Variants in ST8SIA4 observed in about 807,000 individuals in gnomAD.
ST8SIA4 encodes ST8 alpha-N-acetyl-neuraminide alpha-2,8-sialyltransferase 4, also known as CMP-N-acetylneuraminate-poly-alpha-2,8-sialyltransferase.
In ST8SIA4, 15 loss-of-function variants were observed where a neutral mutation model predicts 33.9. The ratio of observed to expected loss-of-function variants is 0.44; its 90% CI spans 0.30 to 0.68. The LOEUF (loss-of-function observed/expected upper bound fraction) is 0.68. ST8SIA4 is among the 30% of genes least tolerant of loss of function. The pLI, the probability that ST8SIA4 is intolerant of heterozygous loss-of-function variation, is 0.10. For synonymous variants in ST8SIA4, 171 were observed against 151.2 expected, an observed-to-expected ratio of 1.13 and a Z score of -0.96; for missense variants, 321 against 428.0, an observed-to-expected ratio of 0.75 and a Z score of 2.21.
At chr5:100,849,897 C>T (rs184803888) in intron 4 of ST8SIA4, among the ~76,000 whole-genome samples, 1 of 152,148 alleles carries the variant, frequency 6.6e-6, no homozygotes, top group African/African-American at 2.4e-5. Context: ...AACAAAAATT[C>T]TTAATTCCAG....
chr5:100,826,656 C>A (rs1751150843), intron 4 of ST8SIA4, among the ~76,000 whole-genome samples: 1 of 151,938 alleles, frequency 6.6e-6, no homozygotes, highest in African/African-American at 2.4e-5. Flanking sequence ...ACATAACAAG[C>A]CTGAATATAC....
chr5:100,854,603 A>T (rs2112438412), intron 4 of ST8SIA4, among the ~76,000 whole-genome samples: 1 of 151,974 alleles, frequency 6.6e-6, no homozygotes, highest in Non-Finnish European at 1.5e-5. Flanking sequence ...ACAAAACAAA[A>T]CAAAACACAA....
At chr5:100,892,602 A>T (rs949269421) in intron 2 of ST8SIA4, among the ~76,000 whole-genome samples, 3 of 152,160 alleles carry the variant, frequency 2.0e-5, no homozygotes, top group African/African-American at 4.8e-5. Flanking sequence ...TGTAAAAAAA[A>T]ATTATCTCAG....
chr5:100,894,946 C>G (rs1752748639), intron 2 of ST8SIA4, among the ~76,000 whole-genome samples: 1 of 151,962 alleles, frequency 6.6e-6, no homozygotes, highest in South Asian at 2.1e-4. Flanking sequence ...ATATACCAAC[C>G]AATACAGTAA....
intron 4 of ST8SIA4, among the ~76,000 whole-genome samples, chr5:100,821,930 C>T (rs867919893): frequency 1.1e-4 from 16 of 152,184 alleles, no homozygotes; most frequent in Non-Finnish European, 8.8e-5. Flanking sequence ...CAGACAAGGG[C>T]TTTCCATGAG....
At chr5:100,830,301 A>G (rs1357593284) in intron 4 of ST8SIA4, among the ~76,000 whole-genome samples, 1 of 152,234 alleles carries the variant, frequency 6.6e-6, no homozygotes, top group Middle Eastern at 3.2e-3. Context: ...GGTATAAGAT[A>G]TTTGATTTCA....
At chr5:100,886,270 T>C in intron 3 of ST8SIA4, 73 bp downstream of exon 3, 1 of 1,548,910 alleles carries the variant, frequency 6.5e-7, no homozygotes, top group East Asian at 2.3e-5. Context: ...TTTAAAATTT[T>C]CTAACAGTTT....
chr5:100,880,274 C>T (rs938372726), intron 3 of ST8SIA4, among the ~76,000 whole-genome samples: 5 of 151,780 alleles, frequency 3.3e-5, no homozygotes, highest in Non-Finnish European at 5.9e-5. Flanking sequence ...TAAAGATAAA[C>T]AATAAATAAA....
chr5:100,902,573 T>C (rs1215550318), intron 1 of ST8SIA4, among the ~76,000 whole-genome samples: 1 of 152,192 alleles, frequency 6.6e-6, no homozygotes, highest in African/African-American at 2.4e-5. Context: ...TGTTGACACT[T>C]CTGCAGTGAC....
chr5:100,829,077 T>C (rs891135550), intron 4 of ST8SIA4, among the ~76,000 whole-genome samples: 1 of 152,218 alleles, frequency 6.6e-6, no homozygotes, highest in Non-Finnish European at 1.5e-5. Context: ...TATCTTTACC[T>C]ATAAACTGCG....
At chr5:100,851,410 C>T (rs559330162) in intron 4 of ST8SIA4, among the ~76,000 whole-genome samples, 1 of 151,492 alleles carries the variant, frequency 6.6e-6, no homozygotes, top group South Asian at 2.1e-4. Context: ...AAATTATATA[C>T]AACAAGAACA....
chr5:100,902,942 C>T lies in ST8SIA4; in HGVS notation c.14G>A (p.Arg5Lys). 1 of 1,614,154 alleles carries T rather than the reference C, an allele frequency of 6.2e-7. No homozygotes were observed. The highest frequency in any genetic ancestry group is 8.5e-7 in the Non-Finnish European group (1 of 1,179,996). MRSI[R>K]KRWTICTISL... ...TATTGTGCAGATCGTCCACCTCTTC[C>T]TAATGGAGCGCATCTTGGGTGCCCG... Residue 5 changes from arginine (R) to lysine (K), a missense_variant, in exon 1 of 5, where the codon AGG (arginine) becomes AAG (lysine). Physicochemically the swap from Arg to Lys is conservative, Grantham distance 26 (BLOSUM62 2). Transcript: ENST00000231461.
chr5:100,808,173 T>C lies in ST8SIA4; in HGVS notation c.*3674A>G, dbSNP rs932076543. 2.0e-5 allele frequency: 3 copies of C among 152,736 alleles called. No individual in the cohort carries two copies. The highest frequency in any genetic ancestry group is 1.9e-4 in the East Asian group (1 of 5,190). The allele number at this position is 152,736 out of a possible 1,614,324, so 9.5% of individuals were successfully genotyped here. A position where few individuals can be genotyped will look rare whatever the true frequency, so the allele number is the denominator to read the frequency against. On this transcript the variant is annotated 3_prime_UTR_variant, in exon 5 of 5. Transcript: ENST00000231461. ...GCTCAATTAGAAATAAATTAATTTGTTCATCCTTTTTCTGTATAGTAGCTG... is the reference window on the plus strand; with the variant it reads ...GCTCAATTAGAAATAAATTAATTTGCTCATCCTTTTTCTGTATAGTAGCTG...
At chr5:100,902,513 T>C (rs1752942882) in intron 1 of ST8SIA4, among the ~76,000 whole-genome samples, 2 of 152,310 alleles carry the variant, frequency 1.3e-5, no homozygotes, top group Middle Eastern at 3.4e-3. Context: ...AATAAAGACA[T>C]TTCTCTTGAG....
chr5:100,885,621 C>CA (rs764598197), intron 3 of ST8SIA4: 10 of 934,698 alleles, frequency 1.1e-5, no homozygotes, highest in African/African-American at 5.4e-5. Context: ...TAAAACAATC[C>CA]AAAAAAACTG....
At chr5:100,829,851 T>G (rs1751215761) in intron 4 of ST8SIA4, among the ~76,000 whole-genome samples, 1 of 147,038 alleles carries the variant, frequency 6.8e-6, no homozygotes, top group African/African-American at 2.5e-5. Flanking sequence ...GAGCTTGCAG[T>G]GAGCCGAGAT....
chr5:100,886,140 G>A, intron 3 of ST8SIA4: 4 of 1,357,648 alleles, frequency 2.9e-6, no homozygotes, highest in Non-Finnish European at 3.8e-6. Context: ...GCTATGACAG[G>A]ATCACTTTTT....
intron 3 of ST8SIA4, among the ~76,000 whole-genome samples, chr5:100,865,633 A>G (rs1561399254): frequency 6.6e-6 from 1 of 152,150 alleles, no homozygotes; most frequent in Non-Finnish European, 1.5e-5. Context: ...TTTCTCTTCC[A>G]TAAACTTCTT....
intron 2 of ST8SIA4, 151 bp from the exon 3 acceptor site, chr5:100,886,751 G>A: frequency 1.5e-6 from 1 of 664,274 alleles, no homozygotes; most frequent in Non-Finnish European, 2.5e-6. Context: ...CTTAGGTGGT[G>A]ATTAAACCAA....
Sources: allele counts gnomAD v4.1 joint callset (sites outside exome capture counted in the v4.1 genomes callset), GRCh38; gene constraint gnomAD v4.1.1; transcripts MANE v1.5; gene names NCBI Gene and HGNC (gene_info 2026-07-23, HGNC 2026-07-21).